The following CTCF variants were observed in gnomAD, a reference collection of about 807,000 sequenced individuals.
The protein encoded by CTCF is transcriptional repressor CTCF.
CTCF carries 7 observed loss-of-function variants against 72.3 expected under a neutral mutation model. The ratio of observed to expected loss-of-function variants is 0.10; its 90% CI spans 0.06 to 0.18. CTCF has a LOEUF of 0.18. Among genes scored for constraint, CTCF ranks in the 10% least tolerant of loss-of-function variants. The pLI is 1.00. For missense variants in CTCF, 516 were observed against 949.1 expected (o/e 0.54, Z 6.00); for synonymous variants, 374 against 315.8 (o/e 1.18, Z -1.95).
rs554890741 is a variant in CTCF at position 67,576,743 on chromosome 16, G to A, written c.-10+5479G>A. On this transcript the variant is annotated intron_variant, in intron 2 of 11. Coordinates refer to ENST00000264010, the MANE Select transcript of CTCF (RefSeq NM_006565.4). ...GATGGGGTTTCACCATGTTAGCCAG[G>A]ATGGTCTGGATCTCCTGACCTCGTA... 1.4e-3 allele frequency among the ~76,000 whole-genome samples: 207 copies of A among 151,994 alleles called. 3 individuals are homozygous for A. Among genetic ancestry groups the A allele is most frequent in the Non-Finnish European group, 1.4e-3 (94 of 67,956 alleles).
intron 2 of CTCF, among the ~76,000 whole-genome samples, chr16:67,592,420 A>G (rs1269955077): frequency 6.6e-6 from 1 of 151,722 alleles, no homozygotes; most frequent in African/African-American, 2.4e-5. Context: ...AAAAAAATAA[A>G]TAAGGCCAGG....
At chr16:67,580,802 G>T (rs2051569077) in intron 2 of CTCF, among the ~76,000 whole-genome samples, 1 of 132,542 alleles carries the variant, frequency 7.5e-6, no homozygotes, top group Admixed American at 7.4e-5. Flanking sequence ...TTTTAGTAGA[G>T]ACAGGGATTC....
intron 2 of CTCF, among the ~76,000 whole-genome samples, chr16:67,606,285 C>T (rs1375270460): frequency 6.6e-6 from 1 of 152,214 alleles, no homozygotes; most frequent in Non-Finnish European, 1.5e-5. Flanking sequence ...CCTCTGCCCT[C>T]CACTGTCAAA....
intron 2 of CTCF, among the ~76,000 whole-genome samples, chr16:67,580,771 A>G (rs1340823306): frequency 1.5e-5 from 2 of 133,534 alleles, no homozygotes; most frequent in Non-Finnish European, 3.0e-5. Context: ...CGCCTGGCCA[A>G]ATTTTTTTTT....
At chr16:67,624,113 GTGTATGTGTGTGTATATA>G (rs2052246568) in intron 7 of CTCF, among the ~76,000 whole-genome samples, 1 of 132,576 alleles carries the variant, frequency 7.5e-6, no homozygotes, top group Non-Finnish European at 1.6e-5. Flanking sequence ...GTGTGTGTGT[GTGTATGTGTGTGTATATA>G]TATGTGTGTG....
chr16:67,567,556 C>T (rs1203943597), intron 1 of CTCF, among the ~76,000 whole-genome samples: 1 of 152,042 alleles, frequency 6.6e-6, no homozygotes, highest in Non-Finnish European at 1.5e-5. Context: ...AGATGTACCT[C>T]ATGTGCCAAA....
intron 2 of CTCF, among the ~76,000 whole-genome samples, chr16:67,593,356 C>G (rs1212684649): frequency 6.6e-6 from 1 of 152,020 alleles, no homozygotes; most frequent in African/African-American, 2.4e-5. Context: ...TTCTCCCTCC[C>G]CCTCCTAATC....
chr16:67,632,724 G>A (rs986233244), intron 10 of CTCF, among the ~76,000 whole-genome samples: 6 of 152,202 alleles, frequency 3.9e-5, no homozygotes, highest in African/African-American at 1.2e-4. Flanking sequence ...AGGGCTTGAA[G>A]AAGTTCAGCA....
intron 7 of CTCF, among the ~76,000 whole-genome samples, chr16:67,624,069 A>ATGTGTGTGTGTGTG (rs1482127509): frequency 1.1e-5 from 1 of 91,458 alleles, no homozygotes; most frequent in Non-Finnish European, 2.2e-5. Context: ...AAAAAATTAT[A>ATGTGTGTGTGTGTG]TATGTGTGTG....
intron 10 of CTCF, among the ~76,000 whole-genome samples, chr16:67,634,488 G>A (rs138355390): frequency 3.6e-4 from 53 of 147,350 alleles, no homozygotes; most frequent in African/African-American, 1.1e-3. Flanking sequence ...GATTACAGGC[G>A]TGAGCCACCA....
chr16:67,570,011 A>G (rs2051392830), intron 1 of CTCF, among the ~76,000 whole-genome samples: 1 of 151,974 alleles, frequency 6.6e-6, no homozygotes, highest in Non-Finnish European at 1.5e-5. Flanking sequence ...AATCAGTAAG[A>G]CCACTACTTG....
intron 1 of CTCF, among the ~76,000 whole-genome samples, chr16:67,562,927 G>T (rs1299142790): frequency 1.7e-4 from 2 of 12,030 alleles, no homozygotes; most frequent in Non-Finnish European, 4.3e-4. Context: ...CCCCACGCCC[G>T]CCCGCCCGCC....
At chr16:67,618,471 A>G (rs1896552671) in intron 5 of CTCF, among the ~76,000 whole-genome samples, 1 of 152,240 alleles carries the variant, frequency 6.6e-6, no homozygotes, top group South Asian at 2.1e-4. Context: ...TGAAACATTG[A>G]AAGTATTTCC....
intron 2 of CTCF, among the ~76,000 whole-genome samples, chr16:67,583,307 G>A (rs962093254): frequency 6.6e-6 from 1 of 152,010 alleles, no homozygotes; most frequent in Admixed American, 6.6e-5. Context: ...TTTGAAAGAA[G>A]TAGATGATAC....
At chr16:67,610,777 A>C (rs1029375319) in intron 2 of CTCF, 47 bp from the exon 3 acceptor site, 1 of 1,298,490 alleles carries the variant, frequency 7.7e-7, no homozygotes, top group African/African-American at 1.5e-5. Context: ...ATTTTTATTT[A>C]GACATGCTTT....
At chr16:67,600,263 G>A (rs1294140071) in intron 2 of CTCF, among the ~76,000 whole-genome samples, 2 of 151,812 alleles carry the variant, frequency 1.3e-5, no homozygotes, top group Admixed American at 6.6e-5. Flanking sequence ...TTGAGGAACA[G>A]AGTCTCACTC....
intron 2 of CTCF, among the ~76,000 whole-genome samples, chr16:67,604,731 T>G (rs889632925): frequency 3.5e-5 from 4 of 113,146 alleles, no homozygotes; most frequent in East Asian, 4.1e-4. Context: ...TTCACCAGGG[T>G]TTTTTTTTTT....
chr16:67,622,853 G>T (rs1248805873), intron 7 of CTCF, among the ~76,000 whole-genome samples: 1 of 148,888 alleles, frequency 6.7e-6, no homozygotes, highest in Non-Finnish European at 1.5e-5. Flanking sequence ...GTAGAGATGG[G>T]GTTTCACCAT....
At chr16:67,584,702 A>T (rs2051645152) in intron 2 of CTCF, among the ~76,000 whole-genome samples, 1 of 152,070 alleles carries the variant, frequency 6.6e-6, no homozygotes, top group Non-Finnish European at 1.5e-5. Context: ...TCAAATTGAT[A>T]ACCTAATAAA....
Sources: gnomAD v4.1 joint callset for allele counts (sites outside exome capture counted in the v4.1 genomes callset) on GRCh38, gnomAD v4.1.1 for gene constraint, MANE v1.5 for transcripts, NCBI Gene and HGNC (gene_info 2026-07-23, HGNC 2026-07-21) for gene names.